ZNF804B: variants seen among roughly 807,000 people sequenced by gnomAD.
The protein encoded by ZNF804B is zinc finger protein 804B, also known as zinc finger 804B.
Under a neutral mutation model 101.4 loss-of-function variants are expected in ZNF804B, and 80 were observed. That is an observed-to-expected ratio of 0.79 (90% CI 0.66 to 0.95). The LOEUF is 0.95. Ranked by LOEUF, ZNF804B falls within the 40% of genes least tolerant of loss-of-function variation. The pLI is 0.00. For missense variants in ZNF804B, 1,673 were observed against 1,561.9 expected (o/e 1.07, Z -1.20); for synonymous variants, 622 against 558.8 (o/e 1.11, Z -1.59).
chr7:89,055,969 G>C (rs1789285895), intron 1 of ZNF804B, among the ~76,000 whole-genome samples: 1 of 152,054 alleles, frequency 6.6e-6, no homozygotes, highest in Non-Finnish European at 1.5e-5. Context: ...AGATCACTTA[G>C]GGTGAGGATT....
intron 1 of ZNF804B, among the ~76,000 whole-genome samples, chr7:88,863,710 C>T: frequency 6.6e-6 from 1 of 152,104 alleles, no homozygotes; most frequent in East Asian, 1.9e-4. Flanking sequence ...AAGGAAGTGA[C>T]ATTTGGACTG....
chr7:88,834,008 G>A (rs540512320), intron 1 of ZNF804B, among the ~76,000 whole-genome samples: 1 of 151,680 alleles, frequency 6.6e-6, no homozygotes, highest in African/African-American at 2.4e-5. Flanking sequence ...CAGAAATGGG[G>A]CTAGTTTTCA....
intron 1 of ZNF804B, among the ~76,000 whole-genome samples, chr7:88,792,538 G>T (rs919828002): frequency 3.9e-5 from 6 of 152,026 alleles, no homozygotes; most frequent in Admixed American, 1.3e-4. Context: ...ACCAAGGATT[G>T]TATCTTTGTT....
At position 88,872,932 on chromosome 7, in the gene ZNF804B, G is replaced by A. The variant is rs553135524; in HGVS notation, c.108+112848G>A. Among the ~76,000 whole-genome samples the A allele has an allele frequency of 3.6e-4, 54 of 151,888 alleles. No individual in the cohort carries two copies. The South Asian group carries it at 5.6e-3, about 16-fold the overall frequency. On this transcript the variant is annotated intron_variant, in intron 1 of 3. Coordinates refer to ENST00000333190, the MANE Select transcript of ZNF804B (RefSeq NM_181646.5). ...GTGAATAATGCCGCAATAAATATAC[G>A]TGTGCATGTGTCTTTATAGCAGCAT...
intron 2 of ZNF804B, among the ~76,000 whole-genome samples, chr7:89,262,421 G>C (rs532403299): frequency 1.8e-4 from 28 of 152,198 alleles, no homozygotes; most frequent in African/African-American, 6.3e-4. Flanking sequence ...CTATTTATTA[G>C]CTATATGACC....
intron 1 of ZNF804B, among the ~76,000 whole-genome samples, chr7:89,024,163 A>G (rs1788710092): frequency 6.6e-6 from 1 of 152,232 alleles, no homozygotes; most frequent in Non-Finnish European, 1.5e-5. Flanking sequence ...AACGTAGACT[A>G]TGAATAACCA....
At chr7:89,138,900 A>G (rs1006686517) in intron 1 of ZNF804B, among the ~76,000 whole-genome samples, 2 of 152,116 alleles carry the variant, frequency 1.3e-5, no homozygotes, top group African/African-American at 4.8e-5. Flanking sequence ...GCCACATGGA[A>G]CTATAAGTTT....
chr7:89,081,282 G>T (rs1270864845), intron 1 of ZNF804B, among the ~76,000 whole-genome samples: 2 of 151,738 alleles, frequency 1.3e-5, no homozygotes, highest in African/African-American at 4.8e-5. Context: ...TTAGATATTA[G>T]GCAGGGTAAG....
At position 88,873,662 on chromosome 7, in the gene ZNF804B, G is replaced by A. The variant is rs559255339; in HGVS notation, c.108+113578G>A. Among the ~76,000 whole-genome samples the A allele has an allele frequency of 1.7e-3, 258 of 152,204 alleles. 2 individuals carry two copies. Among genetic ancestry groups the A allele is most frequent in the Middle Eastern group, 3.4e-3 (1 of 294 alleles). ...GATTTTTATACAAGGTGTAAGGAAGGGATCCAGTTTCAGCTTTCTACATAT... is the reference window on the plus strand; with the variant it reads ...GATTTTTATACAAGGTGTAAGGAAGAGATCCAGTTTCAGCTTTCTACATAT... On this transcript the variant is annotated intron_variant, in intron 1 of 3. Transcript: ENST00000333190.
intron 1 of ZNF804B, among the ~76,000 whole-genome samples, chr7:88,987,120 T>C (rs1793769708): frequency 6.6e-6 from 1 of 152,128 alleles, no homozygotes; most frequent in Non-Finnish European, 1.5e-5. Flanking sequence ...TACAATTGCA[T>C]GAAATTTTAT....
intron 1 of ZNF804B, among the ~76,000 whole-genome samples, chr7:89,210,436 C>T (rs992183795): frequency 2.0e-5 from 3 of 152,006 alleles, no homozygotes; most frequent in African/African-American, 7.3e-5. Context: ...ACCTATTAAC[C>T]CATCACCTAG....
intron 1 of ZNF804B, among the ~76,000 whole-genome samples, chr7:88,811,180 T>C (rs1423080138): frequency 1.3e-5 from 2 of 152,158 alleles, no homozygotes; most frequent in African/African-American, 4.8e-5. Flanking sequence ...ATCCTGCCAT[T>C]ACATCAAAGT....
At chr7:88,926,237 C>T (rs1178770087) in intron 1 of ZNF804B, among the ~76,000 whole-genome samples, 1 of 152,040 alleles carries the variant, frequency 6.6e-6, no homozygotes, top group Non-Finnish European at 1.5e-5. Context: ...ATTTTAGTCA[C>T]GAAGATCTGG....
chr7:88,988,011 TCTA>T, intron 1 of ZNF804B, among the ~76,000 whole-genome samples: 1 of 152,080 alleles, frequency 6.6e-6, no homozygotes, highest in South Asian at 2.1e-4. Context: ...TAACCATTAT[TCTA>T]CTCTCTACAT....
At chr7:89,180,542 A>G (rs998645872) in intron 1 of ZNF804B, among the ~76,000 whole-genome samples, 2 of 151,936 alleles carry the variant, frequency 1.3e-5, no homozygotes, top group African/African-American at 4.8e-5. Flanking sequence ...CTCCTGGCTC[A>G]AGGTGTGTCT....
At chr7:89,122,805 C>A (rs1009809767) in intron 1 of ZNF804B, among the ~76,000 whole-genome samples, 29 of 152,154 alleles carry the variant, frequency 1.9e-4, no homozygotes, top group African/African-American at 6.5e-4. Context: ...TACCTTCATA[C>A]AAATTTACAT....
intron 1 of ZNF804B, among the ~76,000 whole-genome samples, chr7:88,996,960 C>T (rs56085630): frequency 0.032 from 4,929 of 151,942 alleles, 242 homozygotes; most frequent in African/African-American, 0.1. Flanking sequence ...AAGTTATGTG[C>T]GCATGGTGTG....
intron 2 of ZNF804B, among the ~76,000 whole-genome samples, chr7:89,326,466 C>A (rs1247402535): frequency 6.6e-6 from 1 of 152,024 alleles, no homozygotes; most frequent in African/African-American, 2.4e-5. Flanking sequence ...ATCTCTTATA[C>A]TTGATATGGG....
chr7:89,236,323 G>A (rs893597218), intron 2 of ZNF804B, among the ~76,000 whole-genome samples: 4 of 152,042 alleles, frequency 2.6e-5, no homozygotes, highest in African/African-American at 7.2e-5. Flanking sequence ...GAGCGGTGAG[G>A]TGAGAAGAGG....
Sources: allele counts gnomAD v4.1 joint callset (sites outside exome capture counted in the v4.1 genomes callset), GRCh38; gene constraint gnomAD v4.1.1; transcripts MANE v1.5; gene names NCBI Gene and HGNC (gene_info 2026-07-23, HGNC 2026-07-21).